SH3GL2: variants seen among roughly 807,000 people sequenced by gnomAD.
The protein encoded by SH3GL2 is endophilin-A1.
In SH3GL2, 24 loss-of-function variants were observed where a neutral mutation model predicts 46.0. The observed-to-expected ratio is 0.52, with a 90% CI of 0.38 to 0.73. The LOEUF (loss-of-function observed/expected upper bound fraction) is 0.73, where lower values mean the gene tolerates loss of function less well. Among genes scored for constraint, SH3GL2 ranks in the 30% least tolerant of loss-of-function variants. The pLI is 0.00. For synonymous variants in SH3GL2, 196 were observed against 147.1 expected (o/e 1.33, Z -2.40); for missense variants, 413 against 424.2 (o/e 0.97, Z 0.23).
At chr9:17,695,359 A>C (rs1391157604) in intron 1 of SH3GL2, among the ~76,000 whole-genome samples, 1 of 152,166 alleles carries the variant, frequency 6.6e-6, no homozygotes, top group African/African-American at 2.4e-5. Flanking sequence ...AGTGGAGTAG[A>C]TGCCTGAGGT....
At chr9:17,751,537 A>G (rs1385677147) in intron 2 of SH3GL2, among the ~76,000 whole-genome samples, 1 of 149,988 alleles carries the variant, frequency 6.7e-6, no homozygotes, top group African/African-American at 2.5e-5. Context: ...TGAATTCCCT[A>G]TCACTGCCCA....
intron 1 of SH3GL2, among the ~76,000 whole-genome samples, chr9:17,597,589 AC>A (rs1249829967): frequency 6.6e-6 from 1 of 152,100 alleles, no homozygotes; most frequent in East Asian, 1.9e-4. Flanking sequence ...GAACTTTGTT[AC>A]TTATGTATTC....
intron 1 of SH3GL2, among the ~76,000 whole-genome samples, chr9:17,662,054 T>C (rs1447407278): frequency 6.6e-6 from 1 of 152,226 alleles, no homozygotes; most frequent in African/African-American, 2.4e-5. Flanking sequence ...GTTTTAAAAA[T>C]GACCCTTAAC....
At chr9:17,611,162 A>G (rs1244692868) in intron 1 of SH3GL2, among the ~76,000 whole-genome samples, 3 of 152,188 alleles carry the variant, frequency 2.0e-5, no homozygotes, top group South Asian at 2.1e-4. Flanking sequence ...AATAGGAAGT[A>G]TCGATCATTG....
intron 3 of SH3GL2, among the ~76,000 whole-genome samples, chr9:17,775,683 G>T (rs1053542838): frequency 1.3e-5 from 2 of 152,202 alleles, no homozygotes; most frequent in African/African-American, 4.8e-5. Flanking sequence ...GACAGATAGG[G>T]ATGACAAAGG....
chr9:17,700,772 C>T (rs1193249785), intron 1 of SH3GL2, among the ~76,000 whole-genome samples: 3 of 152,130 alleles, frequency 2.0e-5, no homozygotes, highest in Admixed American at 1.3e-4. Flanking sequence ...CTAAAGAAAA[C>T]ACTTATTCTG....
chr9:17,647,482 C>T (rs1047050335), intron 1 of SH3GL2, among the ~76,000 whole-genome samples: 1 of 151,996 alleles, frequency 6.6e-6, no homozygotes, highest in Admixed American at 6.5e-5. Context: ...CATAAAGATA[C>T]AAATGGTGGA....
chr9:17,776,196 G>A (rs1195890656), intron 3 of SH3GL2, among the ~76,000 whole-genome samples: 2 of 152,024 alleles, frequency 1.3e-5, no homozygotes, highest in Non-Finnish European at 2.9e-5. Context: ...GGGCATGTAC[G>A]TTCCACAGAG....
Position 17,787,372 on chromosome 9 carries a change from T to A in SH3GL2, c.332-8T>A. ...TCTGTAACATGAAAGAGCTTTATTC[T>A]CTCCTAGGCCCAGCACTTGGTGAGG... On this transcript the variant is annotated splice_polypyrimidine_tract_variant and splice_region_variant and intron_variant, in intron 4 of 8. Coordinates refer to ENST00000380607, the MANE Select transcript of SH3GL2 (RefSeq NM_003026.5). 6.2e-7 allele frequency: 1 copy of A among 1,607,896 alleles called. No homozygotes were observed. Among genetic ancestry groups the A allele is most frequent in the Non-Finnish European group, 8.5e-7 (1 of 1,177,542 alleles).
chr9:17,636,054 A>T (rs1175020481), intron 1 of SH3GL2, among the ~76,000 whole-genome samples: 1 of 152,186 alleles, frequency 6.6e-6, no homozygotes, highest in Non-Finnish European at 1.5e-5. Context: ...ATTATCTTAT[A>T]TCTGCTTGCC....
In SH3GL2 at chr9:17,761,418, A is replaced by G; in HGVS notation, c.115-19A>G. 6.5e-7 allele frequency: 1 copy of G among 1,529,478 alleles called. No individual in the cohort carries two copies. Among genetic ancestry groups the G allele is most frequent in the Non-Finnish European group, 9.1e-7 (1 of 1,102,490 alleles). 94.7% of individuals were successfully genotyped at this position (1,529,478 alleles called of 1,614,324 possible). A position where few individuals can be genotyped will look rare whatever the true frequency, so the allele number is the denominator to read the frequency against. On this transcript the variant is annotated intron_variant, in intron 2 of 8. Transcript: ENST00000380607. ...GCTCATCATTTTTGTCATTTAGAGC[A>G]CTTATTTTCTCATTTCAGAAAGTGG... is the stretch of plus-strand genomic sequence containing the variant.
At chr9:17,685,920 A>G (rs899708989) in intron 1 of SH3GL2, among the ~76,000 whole-genome samples, 31 of 151,568 alleles carry the variant, frequency 2.0e-4, no homozygotes, top group Admixed American at 1.3e-4. Flanking sequence ...AGCAATGGCA[A>G]CAAAAGACAA....
intron 1 of SH3GL2, among the ~76,000 whole-genome samples, chr9:17,622,853 G>T (rs1480465602): frequency 1.3e-5 from 2 of 152,082 alleles, no homozygotes; most frequent in Non-Finnish European, 2.9e-5. Context: ...AAGACTCAAA[G>T]ACTGCCAATC....
At chr9:17,793,624 T>C in intron 8 of SH3GL2, 127 bp downstream of exon 8, 13 of 843,196 alleles carry the variant, frequency 1.5e-5, no homozygotes, top group Non-Finnish European at 2.4e-5. Context: ...TCTTATGGAG[T>C]CAGTTGTCAG....
chr9:17,730,762 A>G lies in SH3GL2; in HGVS notation c.46-16304A>G, dbSNP rs1822156573. On this transcript the variant is annotated intron_variant, in intron 1 of 8. Transcript: ENST00000380607. ...GGTCAAACATGATCTAAGTTGCTCT[A>G]AATATGACGTGAATTGATGGTAATT... Among the ~76,000 whole-genome samples, 4 of 151,670 alleles carry G rather than the reference A, an allele frequency of 2.6e-5. No homozygotes were observed. In the South Asian group the frequency reaches 6.2e-4, roughly 24 times the overall value.
At chr9:17,666,213 C>G (rs79660034) in intron 1 of SH3GL2, among the ~76,000 whole-genome samples, 2,911 of 151,882 alleles carry the variant, frequency 0.019, 107 homozygotes, top group African/African-American at 0.06. Flanking sequence ...CTTTTTTCCT[C>G]TCTTCAATGT....
At chr9:17,746,278 G>A (rs993825121) in intron 1 of SH3GL2, among the ~76,000 whole-genome samples, 19 of 152,114 alleles carry the variant, frequency 1.2e-4, no homozygotes, top group African/African-American at 3.9e-4. Flanking sequence ...GGGTTTCACC[G>A]TGTTAGCCAG....
chr9:17,617,376 G>A (rs1173228262), intron 1 of SH3GL2, among the ~76,000 whole-genome samples: 2 of 152,212 alleles, frequency 1.3e-5, no homozygotes, highest in Non-Finnish European at 2.9e-5. Flanking sequence ...GTTTCCCAGT[G>A]CTCCTTGGAA....
chr9:17,625,981 A>G (rs1176531909), intron 1 of SH3GL2, among the ~76,000 whole-genome samples: 2 of 152,202 alleles, frequency 1.3e-5, no homozygotes, highest in African/African-American at 2.4e-5. Context: ...AGCAGAGCAG[A>G]AAAGCTGTTT....
Sources: allele counts gnomAD v4.1 joint callset (sites outside exome capture counted in the v4.1 genomes callset), GRCh38; gene constraint gnomAD v4.1.1; transcripts MANE v1.5; gene names NCBI Gene and HGNC (gene_info 2026-07-23, HGNC 2026-07-21).